Variants in BLTP2 observed in about 807,000 individuals in gnomAD.
The protein encoded by BLTP2 is U937-associated antigen.
At chr17:28,615,093 T>C in the BLTP2 span, 1 of 1,613,900 alleles carries the variant, frequency 6.2e-7, no homozygotes, top group Non-Finnish European at 8.5e-7. Context: ...ATGGACTTCT[T>C]GCCAGGGTTC....
chr17:28,642,715 C>T, the BLTP2 span, among the ~76,000 whole-genome samples: 1 of 152,158 alleles, frequency 6.6e-6, no homozygotes, highest in Admixed American at 6.5e-5. Context: ...CAGTCAAGCT[C>T]TGGTGGCTAG....
the BLTP2 span, among the ~76,000 whole-genome samples, chr17:28,626,522 A>G: frequency 6.6e-6 from 1 of 152,172 alleles, no homozygotes; most frequent in Non-Finnish European, 1.5e-5. Context: ...TGGTCACTGG[A>G]AAGACCCAGG....
the BLTP2 span, among the ~76,000 whole-genome samples, chr17:28,630,370 C>T: frequency 3.3e-5 from 5 of 151,692 alleles, no homozygotes; most frequent in Admixed American, 6.6e-5. Context: ...GTTGCCCAGA[C>T]TGGTCTCAAA....
the BLTP2 span, chr17:28,624,367 T>C: frequency 6.2e-7 from 1 of 1,613,556 alleles, no homozygotes; most frequent in Non-Finnish European, 8.5e-7. Flanking sequence ...GTCTCTTCAA[T>C]TAGCTTCTGC....
At chr17:28,629,652 A>AT in the BLTP2 span, among the ~76,000 whole-genome samples, 14 of 151,776 alleles carry the variant, frequency 9.2e-5, no homozygotes, top group East Asian at 2.1e-3. Flanking sequence ...AAATTTTTGT[A>AT]TTTTTTAGTA....
At chr17:28,633,913 A>G in the BLTP2 span, 2 of 1,614,118 alleles carry the variant, frequency 1.2e-6, no homozygotes, top group African/African-American at 2.7e-5. Flanking sequence ...TCATGGTAGA[A>G]TTTGAGTGGG....
the BLTP2 span, chr17:28,631,731 TG>T: frequency 6.2e-7 from 1 of 1,607,094 alleles, no homozygotes; most frequent in Non-Finnish European, 8.5e-7. Context: ...CAGAGGATAG[TG>T]TAAGACAGAG....
chr17:28,634,909 T>C, the BLTP2 span: 2 of 1,613,858 alleles, frequency 1.2e-6, no homozygotes, highest in Non-Finnish European at 1.7e-6. Context: ...CAGCTCGTAG[T>C]TATCATGAAG....
the BLTP2 span, chr17:28,621,634 A>G: frequency 4.5e-6 from 3 of 667,618 alleles, no homozygotes; most frequent in Non-Finnish European, 5.4e-6. Flanking sequence ...AGCTTGAACC[A>G]TATCTCCCAG....
the BLTP2 span, among the ~76,000 whole-genome samples, chr17:28,636,769 T>C: frequency 3.2e-3 from 482 of 152,104 alleles, 1 homozygote; most frequent in Admixed American, 6.1e-3. Flanking sequence ...CTGGGCGTGG[T>C]GGCTCACACC....
chr17:28,628,703 A>T, the BLTP2 span: 813 of 683,874 alleles, frequency 1.2e-3, 6 homozygotes, highest in Admixed American at 0.013. Flanking sequence ...GGGAGGCCGA[A>T]GTGGGCAAAT....
At chr17:28,639,306 C>T in the BLTP2 span, 1 of 1,614,000 alleles carries the variant, frequency 6.2e-7, no homozygotes, top group Non-Finnish European at 8.5e-7. Context: ...TGAAAAAGAT[C>T]AGACTGACCT....
chr17:28,623,704 A>G, the BLTP2 span: 17 of 1,437,024 alleles, frequency 1.2e-5, no homozygotes, highest in Non-Finnish European at 1.7e-5. Context: ...TCCAGCCATT[A>G]GAAAGTCTAC....
At chr17:28,632,874 A>G in the BLTP2 span, 5 of 1,201,888 alleles carry the variant, frequency 4.2e-6, no homozygotes, top group African/African-American at 6.1e-5. Context: ...GGGTCAAGCT[A>G]AAGTCCCCAG....
At chr17:28,616,823 C>G in the BLTP2 span, 21 of 1,607,196 alleles carry the variant, frequency 1.3e-5, no homozygotes, top group Non-Finnish European at 1.7e-5. This position sits in a 1 kb window ranked among gnomAD's most constrained non-coding sequence, Gnocchi z 4.8. Context: ...CTCCTAATAT[C>G]GTGTAACACA....
chr17:28,620,011 T>C, the BLTP2 span: 6 of 1,612,652 alleles, frequency 3.7e-6, no homozygotes, highest in Non-Finnish European at 5.1e-6. Flanking sequence ...CTTCTCACTA[T>C]GTTCCTAAAG....
the BLTP2 span, among the ~76,000 whole-genome samples, chr17:28,618,528 T>A: frequency 1.3e-5 from 2 of 152,188 alleles, no homozygotes; most frequent in African/African-American, 4.8e-5. Flanking sequence ...TATCATTTTT[T>A]AAAAATTATT....
the BLTP2 span, chr17:28,632,971 A>G: frequency 6.5e-7 from 1 of 1,549,614 alleles, no homozygotes; most frequent in Non-Finnish European, 8.7e-7. Flanking sequence ...ATCCATCTTG[A>G]TGGAGAGATT....
the BLTP2 span, chr17:28,645,106 C>G: frequency 6.5e-7 from 1 of 1,528,716 alleles, no homozygotes; most frequent in African/African-American, 1.4e-5. Context: ...CATGCCGGGC[C>G]CCGACGCCGG....
Sources: gnomAD v4.1 joint callset for allele counts (sites outside exome capture counted in the v4.1 genomes callset) on GRCh38, gnomAD v4.1.1 for gene constraint, Gnocchi (gnomAD v3.1) non-coding constraint, MANE v1.5 for transcripts, NCBI Gene and HGNC (gene_info 2026-07-23, HGNC 2026-07-21) for gene names.